Variants in APBA1 observed in about 807,000 individuals in gnomAD.
APBA1 encodes the protein amyloid beta precursor protein binding family A member 1.
APBA1 carries 55 observed loss-of-function variants against 86.6 expected under a neutral mutation model. The ratio of observed to expected loss-of-function variants is 0.64; its 90% CI spans 0.51 to 0.80. The LOEUF (loss-of-function observed/expected upper bound fraction) is 0.80, where lower values mean the gene tolerates loss of function less well. Ranked by LOEUF, APBA1 falls within the 30% of genes least tolerant of loss-of-function variation. APBA1 has a pLI of 0.00. For synonymous variants in APBA1, 511 were observed against 493.9 expected (o/e 1.03, Z -0.46); for missense variants, 1,090 against 1,183.0 (o/e 0.92, Z 1.15).
chr9:69,494,583 C>T (rs1461668814), intron 2 of APBA1: 1 of 152,052 alleles, frequency 6.6e-6, no homozygotes, highest in African/African-American at 2.4e-5. Flanking sequence ...TATCTCTTCC[C>T]CCTTTGAAAC....
intron 1 of APBA1, among the ~76,000 whole-genome samples, chr9:69,532,751 C>T (rs1486741856): frequency 1.3e-5 from 2 of 152,340 alleles, no homozygotes; most frequent in Middle Eastern, 3.4e-3. Context: ...TACCCATCCA[C>T]ATCCAACTCA....
In APBA1 at chr9:69,467,793, G is replaced by A. The variant is rs763856842; in HGVS notation, c.1482+30C>T. ...GCTCCAGTGCCTACACCAGCCCCCT[G>A]TCCCTGTTGGAGCACCCAGATGTCC... On this transcript the variant is annotated intron_variant, in intron 5 of 12. Transcript: ENST00000265381. The A allele has an allele frequency of 9.3e-6, 15 of 1,613,536 alleles. No individual in the cohort carries two copies. The East Asian group carries it at 2.7e-4, about 29-fold the overall frequency.
chr9:69,431,210 G>A lies in APBA1; in HGVS notation c.*117C>T, dbSNP rs1834586845. On this transcript the variant is annotated 3_prime_UTR_variant, in exon 13 of 13. Transcript: ENST00000265381. ...TCCTTGTGGATTCTTCTCTTCCTGT[G>A]TAAAACCAAATGCTGGGCGCGAGAG... The A allele has an allele frequency of 7.4e-6, 5 of 675,708 alleles. No individual in the cohort carries two copies. The highest frequency in any genetic ancestry group is 1.2e-5 in the Non-Finnish European group (5 of 412,874). The allele number at this position is 675,708 out of a possible 1,614,324, so 41.9% of individuals were successfully genotyped here. A position where few individuals can be genotyped will look rare whatever the true frequency, so the allele number is the denominator to read the frequency against.
intron 1 of APBA1, among the ~76,000 whole-genome samples, chr9:69,586,298 A>G (rs975217977): frequency 3.3e-5 from 5 of 152,126 alleles, no homozygotes; most frequent in African/African-American, 7.2e-5. Flanking sequence ...AGATCTCCCT[A>G]TATTATGCTG....
At chr9:69,451,346 T>C (rs1217658300) in intron 9 of APBA1, among the ~76,000 whole-genome samples, 1 of 152,232 alleles carries the variant, frequency 6.6e-6, no homozygotes, top group Non-Finnish European at 1.5e-5. Context: ...GAATCTGACC[T>C]AAGACACCTG....
chr9:69,664,731 C>T (rs10115124), intron 1 of APBA1, among the ~76,000 whole-genome samples: 125,053 of 152,186 alleles, frequency 0.82, 51,772 homozygotes, highest in East Asian at 1. Context: ...TTTTTATAAA[C>T]GCTCTTGTTG....
At chr9:69,474,188 T>C (rs544350369) in intron 3 of APBA1, 25 of 152,284 alleles carry the variant, frequency 1.6e-4, no homozygotes, top group East Asian at 1.4e-3. Context: ...GGAGGCACAA[T>C]TGGACAACTG....
intron 1 of APBA1, among the ~76,000 whole-genome samples, chr9:69,665,386 TCTG>T (rs746705646): frequency 1.9e-4 from 29 of 152,328 alleles, no homozygotes; most frequent in Middle Eastern, 3.4e-3. Context: ...CATCTCAGGG[TCTG>T]CATGCATAAA....
intron 1 of APBA1, among the ~76,000 whole-genome samples, chr9:69,664,649 A>G (rs1418167319): frequency 2.0e-5 from 3 of 152,236 alleles, no homozygotes; most frequent in Non-Finnish European, 4.4e-5. Context: ...AAACTAATAA[A>G]TTAAACATAA....
chr9:69,631,710 G>A (rs1330688262), intron 1 of APBA1, among the ~76,000 whole-genome samples: 4 of 152,174 alleles, frequency 2.6e-5, no homozygotes, highest in Admixed American at 6.5e-5. Context: ...TATGCACCAT[G>A]GAATACTATG....
intron 1 of APBA1, among the ~76,000 whole-genome samples, chr9:69,643,449 G>A (rs1376909760): frequency 6.6e-6 from 1 of 152,184 alleles, no homozygotes; most frequent in Non-Finnish European, 1.5e-5. Flanking sequence ...AGAGCATGAA[G>A]TGTAGCTGGG....
At chr9:69,498,971 T>C (rs1256047770) in intron 2 of APBA1, among the ~76,000 whole-genome samples, 2 of 152,152 alleles carry the variant, frequency 1.3e-5, no homozygotes, top group African/African-American at 4.8e-5. Flanking sequence ...CCCATCCTTT[T>C]CTGAGGTCTG....
intron 10 of APBA1, 126 bp from the exon 11 acceptor site, chr9:69,441,241 C>T (rs1411946808): frequency 8.8e-7 from 1 of 1,131,926 alleles, no homozygotes; most frequent in Middle Eastern, 2.9e-4. Context: ...GCCTGCTTGC[C>T]TGCAGGCCTC....
At chr9:69,553,815 C>G (rs948957073) in intron 1 of APBA1, among the ~76,000 whole-genome samples, 1 of 152,184 alleles carries the variant, frequency 6.6e-6, no homozygotes, top group Non-Finnish European at 1.5e-5. Flanking sequence ...TTCTCACACC[C>G]TATAAAGTAT....
At chr9:69,514,949 G>A (rs186738823) in intron 2 of APBA1, among the ~76,000 whole-genome samples, 1 of 152,178 alleles carries the variant, frequency 6.6e-6, no homozygotes, top group East Asian at 1.9e-4. Context: ...GAAACCCCTG[G>A]CGGAAAAAGG....
rs139012952 is a variant in APBA1 at position 69,654,684 on chromosome 9, A to C, written c.-70+17469T>G. ...ATTCCAAAACATTGAAGAGAAGGGAATACTTCCAAAATCATTCTACAAGGC... is the reference window on the plus strand; with the variant it reads ...ATTCCAAAACATTGAAGAGAAGGGACTACTTCCAAAATCATTCTACAAGGC... On this transcript the variant is annotated intron_variant, in intron 1 of 12. Transcript: ENST00000265381. 3.5e-3 allele frequency among the ~76,000 whole-genome samples: 540 copies of C among 152,352 alleles called. 6 individuals carry two copies. Among genetic ancestry groups the C allele is most frequent in the African/African-American group, 0.012 (517 of 41,588 alleles).
In APBA1 at chr9:69,428,100, C is replaced by T. The variant is rs1238997199; in HGVS notation, c.*3227G>A. ...AGTAAACACATCTAAGGAGGGGCGG[C>T]CCCTGGTTGTAAACATTGGTAACGG... On this transcript the variant is annotated 3_prime_UTR_variant, in exon 13 of 13. Transcript: ENST00000265381. 6.6e-6 allele frequency: 1 copy of T among 152,188 alleles called. No individual in the cohort carries two copies. Among genetic ancestry groups the T allele is most frequent in the East Asian group, 1.9e-4 (1 of 5,184 alleles). 9.4% of individuals were successfully genotyped at this position (152,188 alleles called of 1,614,324 possible).
chr9:69,455,678 G>A (rs780729250), intron 8 of APBA1, among the ~76,000 whole-genome samples: 2 of 152,116 alleles, frequency 1.3e-5, no homozygotes, highest in East Asian at 3.9e-4. Context: ...GTAGCCCAGA[G>A]GATGGTCCTG....
At chr9:69,517,373 T>C (rs989517504) in intron 1 of APBA1, 94 bp from the exon 2 acceptor site, 3 of 1,213,782 alleles carry the variant, frequency 2.5e-6, no homozygotes, top group African/African-American at 3.2e-5. Context: ...TGCTATTGAT[T>C]CCTTTTAGTT....
Sources: allele counts gnomAD v4.1 joint callset (sites outside exome capture counted in the v4.1 genomes callset), GRCh38; gene constraint gnomAD v4.1.1; transcripts MANE v1.5; gene names NCBI Gene and HGNC (gene_info 2026-07-23, HGNC 2026-07-21).